Variants in MRTFA observed in about 807,000 individuals in gnomAD.
MRTFA encodes the protein myocardin related transcription factor A.
A neutral mutation model predicts 83.5 loss-of-function variants in MRTFA; 20 were observed. That is an observed-to-expected ratio of 0.24 (90% CI 0.17 to 0.35). The LOEUF (loss-of-function observed/expected upper bound fraction) is 0.35, where lower values mean the gene tolerates loss of function less well. Ranked by LOEUF, MRTFA falls within the 10% of genes least tolerant of loss-of-function variation. The probability of loss-of-function intolerance (pLI) is 1.00; values close to 1 mark genes in which losing one functional copy is unlikely to be tolerated. For synonymous variants in MRTFA, 659 were observed against 541.2 expected (o/e 1.22, Z -3.02); for missense variants, 1,200 against 1,224.7 (o/e 0.98, Z 0.30).
At chr22:40,533,768 C>T (rs2055121930) in intron 3 of MRTFA, 4 of 449,288 alleles carry the variant, frequency 8.9e-6, no homozygotes, top group Non-Finnish European at 7.3e-6. Context: ...GAGAATATCC[C>T]CTTCTCAGTG....
In MRTFA at chr22:40,416,610, A is replaced by C. The variant is rs1444829575; in HGVS notation, c.2578+376T>G. ...GGAGACATCCTGGACCTTCCCCACC[A>C]GGCTCCCCAGACCTCTCCCTCTCCT... is the stretch of plus-strand genomic sequence containing the variant. On this transcript the variant is annotated intron_variant, in intron 14 of 14. Coordinates refer to ENST00000355630, the MANE Select transcript of MRTFA (RefSeq NM_020831.6). This position sits in a 1 kb window ranked among gnomAD's most constrained non-coding sequence, Gnocchi z 4.2. 6.6e-6 allele frequency among the ~76,000 whole-genome samples: 1 copy of C among 152,070 alleles called. No homozygotes were observed. Among genetic ancestry groups the C allele is most frequent in the African/African-American group, 2.4e-5 (1 of 41,422 alleles).
intron 3 of MRTFA, among the ~76,000 whole-genome samples, chr22:40,549,499 T>C (rs1157277642): frequency 6.6e-6 from 1 of 152,186 alleles, no homozygotes; most frequent in Non-Finnish European, 1.5e-5. Flanking sequence ...TTTTATAAGG[T>C]TTAAAAACTA....
intron 3 of MRTFA, among the ~76,000 whole-genome samples, chr22:40,493,565 A>C (rs1288343246): frequency 6.6e-6 from 1 of 152,182 alleles, no homozygotes; most frequent in African/African-American, 2.4e-5. Context: ...AAAGAGGAAA[A>C]ATTTACATGA....
At chr22:40,552,400 T>C (rs1602419328) in intron 2 of MRTFA, 33 bp from the exon 3 acceptor site, 1 of 397,580 alleles carries the variant, frequency 2.5e-6, no homozygotes, top group Middle Eastern at 6.3e-4. Flanking sequence ...AAAGTTTAGA[T>C]GGTACCATGA....
At chr22:40,593,499 T>A (rs910533557) in intron 2 of MRTFA, among the ~76,000 whole-genome samples, 1 of 152,068 alleles carries the variant, frequency 6.6e-6, no homozygotes, top group African/African-American at 2.4e-5. Context: ...AATATAAAAG[T>A]AGAACAATAG....
intron 2 of MRTFA, among the ~76,000 whole-genome samples, chr22:40,588,711 T>C (rs950535055): frequency 2.0e-5 from 3 of 152,152 alleles, no homozygotes; most frequent in East Asian, 1.9e-4. Context: ...GCCAGATGTA[T>C]TGGCTCACAC....
intron 1 of MRTFA, among the ~76,000 whole-genome samples, chr22:40,633,829 G>A (rs890072867): frequency 6.6e-6 from 1 of 151,932 alleles, no homozygotes; most frequent in African/African-American, 2.4e-5. Context: ...TGATAATATG[G>A]GTAGAACTTT....
chr22:40,496,936 T>C (rs897960305), intron 3 of MRTFA, among the ~76,000 whole-genome samples: 2 of 152,186 alleles, frequency 1.3e-5, no homozygotes, highest in African/African-American at 4.8e-5. Flanking sequence ...ATCTCTAAAA[T>C]GGAATGGTTC....
chr22:40,441,406 T>C (rs2053271020), intron 4 of MRTFA, among the ~76,000 whole-genome samples: 1 of 152,196 alleles, frequency 6.6e-6, no homozygotes, highest in Admixed American at 6.5e-5. Context: ...TCTCCTAACT[T>C]GTTTGCTGCC....
At chr22:40,634,085 T>C (rs2056668684) in intron 1 of MRTFA, among the ~76,000 whole-genome samples, 1 of 151,246 alleles carries the variant, frequency 6.6e-6, no homozygotes, top group Non-Finnish European at 1.5e-5. Flanking sequence ...TATCAGAAGA[T>C]TTATCAGGAT....
chr22:40,414,782 TA>T (rs2052640873), intron 14 of MRTFA, among the ~76,000 whole-genome samples: 1 of 152,186 alleles, frequency 6.6e-6, no homozygotes, highest in African/African-American at 2.4e-5. Context: ...CTGGAGCGGA[TA>T]GGGGTGACAG....
At chr22:40,508,481 C>T (rs1303438215) in intron 3 of MRTFA, among the ~76,000 whole-genome samples, 3 of 131,426 alleles carry the variant, frequency 2.3e-5, no homozygotes, top group East Asian at 2.4e-4. Context: ...CAGTGCACTC[C>T]GGCCTGGGCA....
intron 1 of MRTFA, among the ~76,000 whole-genome samples, chr22:40,610,520 A>C (rs895803123): frequency 7.9e-5 from 12 of 152,328 alleles, no homozygotes; most frequent in African/African-American, 2.9e-4. Flanking sequence ...ATTATCAGAC[A>C]GAAGCAGCTC....
At chr22:40,518,075 C>T (rs1020992222) in intron 3 of MRTFA, among the ~76,000 whole-genome samples, 1 of 152,144 alleles carries the variant, frequency 6.6e-6, no homozygotes, top group Non-Finnish European at 1.5e-5. Context: ...CCTCATAGCT[C>T]ACCCTATGCT....
intron 1 of MRTFA, among the ~76,000 whole-genome samples, chr22:40,614,119 T>C (rs1452022118): frequency 6.6e-6 from 1 of 151,686 alleles, no homozygotes; most frequent in Non-Finnish European, 1.5e-5. Context: ...GGAGAATCAC[T>C]AGAATCTAGG....
chr22:40,581,460 T>TA (rs1361954819), intron 2 of MRTFA, among the ~76,000 whole-genome samples: 2 of 152,164 alleles, frequency 1.3e-5, no homozygotes, highest in African/African-American at 4.8e-5. Context: ...AGCAGTGTAT[T>TA]AGGGTTTCTC....
intron 3 of MRTFA, among the ~76,000 whole-genome samples, chr22:40,480,548 T>C (rs1465359115): frequency 6.6e-6 from 1 of 152,160 alleles, no homozygotes; most frequent in Admixed American, 6.5e-5. Flanking sequence ...GTATGGAACA[T>C]GTAGAGTATA....
chr22:40,611,227 C>A (rs950095132), intron 1 of MRTFA, among the ~76,000 whole-genome samples: 3 of 152,082 alleles, frequency 2.0e-5, no homozygotes, highest in Non-Finnish European at 4.4e-5. Flanking sequence ...GCGTGAGCCA[C>A]TGCGCCCAGC....
chr22:40,437,277 G>A (rs947315221), intron 4 of MRTFA, among the ~76,000 whole-genome samples: 6 of 152,034 alleles, frequency 3.9e-5, no homozygotes, highest in Non-Finnish European at 8.8e-5. Flanking sequence ...AACTCCAAAC[G>A]TCCTGCTCTG....
Sources: gnomAD v4.1 joint callset for allele counts (sites outside exome capture counted in the v4.1 genomes callset) on GRCh38, gnomAD v4.1.1 for gene constraint, Gnocchi (gnomAD v3.1) non-coding constraint, MANE v1.5 for transcripts, NCBI Gene and HGNC (gene_info 2026-07-23, HGNC 2026-07-21) for gene names.